Variants in GRID2 observed in about 807,000 individuals in gnomAD.
GRID2 encodes glutamate receptor ionotropic, delta-2.
Under a neutral mutation model 114.8 loss-of-function variants are expected in GRID2, and 33 were observed. The observed-to-expected ratio is 0.29, with a 90% CI of 0.22 to 0.38. The LOEUF is 0.38. Ranked by LOEUF, GRID2 falls within the 10% of genes least tolerant of loss-of-function variation. The pLI, the probability that GRID2 is intolerant of heterozygous loss-of-function variation, is 1.00. For synonymous variants in GRID2, 505 were observed against 449.9 expected (o/e 1.12, Z -1.55); for missense variants, 1,184 against 1,257.7 (o/e 0.94, Z 0.89).
intron 9 of GRID2, among the ~76,000 whole-genome samples, chr4:93,415,220 A>G (rs1767587821): frequency 6.6e-6 from 1 of 152,108 alleles, no homozygotes; most frequent in East Asian, 1.9e-4. Flanking sequence ...TTACAGCTGC[A>G]ATATGTTATA....
chr4:93,126,182 G>C (rs541813470), intron 4 of GRID2, among the ~76,000 whole-genome samples: 1 of 151,866 alleles, frequency 6.6e-6, no homozygotes, highest in Non-Finnish European at 1.5e-5. Context: ...TATTTAATTA[G>C]CATTAGTATA....
chr4:92,780,512 G>T (rs1739016434), intron 2 of GRID2, among the ~76,000 whole-genome samples: 1 of 152,066 alleles, frequency 6.6e-6, no homozygotes, highest in African/African-American at 2.4e-5. Context: ...ACTATAATGA[G>T]TATAATTTAA....
intron 14 of GRID2, among the ~76,000 whole-genome samples, chr4:93,730,163 T>C (rs1247069536): frequency 6.6e-6 from 1 of 152,154 alleles, no homozygotes; most frequent in Non-Finnish European, 1.5e-5. Context: ...GCAATAAAGA[T>C]TGAAGAGTCA....
intron 2 of GRID2, among the ~76,000 whole-genome samples, chr4:92,902,741 A>C (rs1441705362): frequency 6.6e-6 from 1 of 152,026 alleles, no homozygotes; most frequent in East Asian, 1.9e-4. Flanking sequence ...CGTTTATTGA[A>C]TAGGGTGTAA....
chr4:93,121,292 T>C (rs75634252), intron 4 of GRID2, among the ~76,000 whole-genome samples: 1,527 of 152,272 alleles, frequency 0.01, 17 homozygotes, highest in African/African-American at 0.035. Flanking sequence ...AAACAGAACA[T>C]AACTAGCATG....
At chr4:93,111,677 A>G (rs1309731037) in intron 4 of GRID2, among the ~76,000 whole-genome samples, 1 of 151,342 alleles carries the variant, frequency 6.6e-6, no homozygotes, top group African/African-American at 2.4e-5. Context: ...AGAACTGTTC[A>G]TGACTTTACA....
At chr4:92,537,970 A>G (rs1048822931) in intron 1 of GRID2, among the ~76,000 whole-genome samples, 1 of 152,038 alleles carries the variant, frequency 6.6e-6, no homozygotes, top group Non-Finnish European at 1.5e-5. Context: ...CTTCTGTCCA[A>G]TCTTCATGTT....
chr4:92,561,668 C>T (rs988139231), intron 1 of GRID2, among the ~76,000 whole-genome samples: 3 of 152,120 alleles, frequency 2.0e-5, no homozygotes, highest in African/African-American at 7.2e-5. Context: ...CATTGTTTAG[C>T]ATTTCTGATG....
intron 2 of GRID2, among the ~76,000 whole-genome samples, chr4:93,041,195 G>A (rs1425647729): frequency 6.6e-6 from 1 of 152,116 alleles, no homozygotes; most frequent in Non-Finnish European, 1.5e-5. Context: ...GATTTTGTTT[G>A]CATACTGATA....
At position 92,734,771 on chromosome 4, in the gene GRID2, G is replaced by GT. The variant is rs1347483850; in HGVS notation, c.244+144495dup. On this transcript the variant is annotated intron_variant, in intron 2 of 15. Coordinates refer to ENST00000282020, the MANE Select transcript of GRID2 (RefSeq NM_001510.4). ...TTGATGGTTATATTTCTTTTTTTTA[G>GT]TTTTTTTTTTCTTTTTTTTTTTTCT... Among the ~76,000 whole-genome samples, 659 of 137,728 alleles carry GT rather than the reference G, an allele frequency of 4.8e-3. 3 individuals carry two copies. Among genetic ancestry groups the GT allele is most frequent in the African/African-American group, 0.016 (606 of 37,532 alleles). The allele number at this position is 137,728 out of a possible 152,430, so 90.4% of individuals were successfully genotyped here.
At chr4:93,739,868 C>T (rs1731225409) in intron 14 of GRID2, among the ~76,000 whole-genome samples, 1 of 152,132 alleles carries the variant, frequency 6.6e-6, no homozygotes, top group Non-Finnish European at 1.5e-5. Context: ...ACAATAAAGG[C>T]CAGTCTCATA....
chr4:92,814,431 T>G (rs564834596), intron 2 of GRID2, among the ~76,000 whole-genome samples: 29 of 152,232 alleles, frequency 1.9e-4, no homozygotes, highest in African/African-American at 7.0e-4. Flanking sequence ...CTTCATCCCC[T>G]GCAAGGCTGA....
chr4:92,779,222 AT>A (rs2149357509), intron 2 of GRID2, among the ~76,000 whole-genome samples: 1 of 115,742 alleles, frequency 8.6e-6, no homozygotes, highest in African/African-American at 4.2e-5. Context: ...GTGTGTGTGT[AT>A]TTTAATCTGT....
chr4:93,117,317 A>C (rs1338953704), intron 4 of GRID2, among the ~76,000 whole-genome samples: 2 of 151,970 alleles, frequency 1.3e-5, no homozygotes, highest in Non-Finnish European at 2.9e-5. Context: ...TATTTAGAAG[A>C]GAATCCTATG....
chr4:92,442,642 T>C (rs1733172832), intron 1 of GRID2, among the ~76,000 whole-genome samples: 1 of 152,010 alleles, frequency 6.6e-6, no homozygotes, highest in African/African-American at 2.4e-5. Context: ...TTTTATTTAA[T>C]GTTGGGAGCA....
At chr4:92,775,690 G>A (rs914280356) in intron 2 of GRID2, among the ~76,000 whole-genome samples, 4 of 152,148 alleles carry the variant, frequency 2.6e-5, no homozygotes, top group Non-Finnish European at 5.9e-5. Flanking sequence ...CCTGGCAAGA[G>A]TCTAATTTTC....
chr4:92,594,450 T>A (rs1270994757), intron 2 of GRID2, among the ~76,000 whole-genome samples: 1 of 152,010 alleles, frequency 6.6e-6, no homozygotes. Context: ...TATGCTTCTA[T>A]GACCCTTAAG....
At chr4:92,773,763 A>G (rs1738650689) in intron 2 of GRID2, among the ~76,000 whole-genome samples, 1 of 152,080 alleles carries the variant, frequency 6.6e-6, no homozygotes, top group Admixed American at 6.6e-5. Context: ...CTTAGCAATC[A>G]TTTGGGAATA....
intron 2 of GRID2, among the ~76,000 whole-genome samples, chr4:92,873,573 C>G (rs866292492): frequency 1.3e-5 from 2 of 151,982 alleles, no homozygotes; most frequent in Non-Finnish European, 2.9e-5. Context: ...AATTTAGATA[C>G]GCTTCTATTG....
Sources: gnomAD v4.1 joint callset for allele counts (sites outside exome capture counted in the v4.1 genomes callset) on GRCh38, gnomAD v4.1.1 for gene constraint, MANE v1.5 for transcripts, NCBI Gene and HGNC (gene_info 2026-07-23, HGNC 2026-07-21) for gene names.